The following ERICH1 variants were observed in gnomAD, a reference collection of about 807,000 sequenced individuals.
The protein encoded by ERICH1 is glutamate rich 1.
ERICH1 carries 56 observed loss-of-function variants against 39.6 expected under a neutral mutation model. That is an observed-to-expected ratio of 1.41 (90% CI 1.14 to 1.77). The LOEUF is 1.77. Ranked by LOEUF, ERICH1 falls within the 40% of genes most tolerant of loss-of-function variation. The pLI is 0.00. For missense variants in ERICH1, 826 were observed against 575.4 expected (o/e 1.44, Z -4.45); for synonymous variants, 313 against 223.6 (o/e 1.40, Z -3.57).
chr8:678,858 C>A (rs1164102822), intron 3 of ERICH1, among the ~76,000 whole-genome samples: 1 of 152,128 alleles, frequency 6.6e-6, no homozygotes, highest in Non-Finnish European at 1.5e-5. Flanking sequence ...TTCCAGATAG[C>A]AGAAAAGATA....
intron 1 of ERICH1, among the ~76,000 whole-genome samples, chr8:726,844 G>A (rs1335164310): frequency 6.6e-6 from 1 of 150,652 alleles, no homozygotes; most frequent in Non-Finnish European, 1.5e-5. Context: ...ACACCACACA[G>A]GCACATACGT....
chr8:722,428 T>C (rs1250645311), intron 1 of ERICH1, among the ~76,000 whole-genome samples: 3 of 152,226 alleles, frequency 2.0e-5, no homozygotes, highest in Admixed American at 2.0e-4. Flanking sequence ...CAGAAAGGAC[T>C]GCTGCCTACA....
chr8:702,392 A>C (rs1812359344), intron 2 of ERICH1, among the ~76,000 whole-genome samples: 1 of 152,288 alleles, frequency 6.6e-6, no homozygotes, highest in South Asian at 2.1e-4. Flanking sequence ...CACGCTGGGA[A>C]TCTGTCCCTA....
At chr8:635,470 C>T (rs1241217068) in intron 3 of ERICH1, among the ~76,000 whole-genome samples, 1 of 152,220 alleles carries the variant, frequency 6.6e-6, no homozygotes, top group Non-Finnish European at 1.5e-5. Context: ...CGTTCACCTG[C>T]ACCAACGCCC....
chr8:713,367 C>T (rs1194876166), intron 2 of ERICH1, among the ~76,000 whole-genome samples: 1 of 152,228 alleles, frequency 6.6e-6, no homozygotes, highest in Non-Finnish European at 1.5e-5. Flanking sequence ...TCATTTACTC[C>T]TTAATTGGAA....
At chr8:727,373 T>G (rs1008558426) in intron 1 of ERICH1, among the ~76,000 whole-genome samples, 3 of 152,102 alleles carry the variant, frequency 2.0e-5, no homozygotes, top group African/African-American at 7.2e-5. Flanking sequence ...TCCTGGCGTG[T>G]GAAGTTGGGG....
chr8:709,256 C>T (rs1002600547), intron 2 of ERICH1, among the ~76,000 whole-genome samples: 2 of 152,122 alleles, frequency 1.3e-5, no homozygotes, highest in African/African-American at 4.8e-5. Context: ...CTAAATTGTC[C>T]AAGCAACTGA....
chr8:722,185 C>T (rs1171515719), intron 1 of ERICH1, among the ~76,000 whole-genome samples: 1 of 151,722 alleles, frequency 6.6e-6, no homozygotes, highest in Non-Finnish European at 1.5e-5. Context: ...AAAGCAATCA[C>T]CGGAAAATAA....
At chr8:652,336 C>A (rs1028260851) in intron 3 of ERICH1, among the ~76,000 whole-genome samples, 1 of 152,214 alleles carries the variant, frequency 6.6e-6, no homozygotes, top group African/African-American at 2.4e-5. Flanking sequence ...TTTAGGGAAG[C>A]AGTGGACAGA....
intron 2 of ERICH1, among the ~76,000 whole-genome samples, chr8:701,404 C>T (rs759909976): frequency 7.2e-5 from 11 of 152,268 alleles, no homozygotes; most frequent in South Asian, 2.1e-4. Flanking sequence ...CCCCGCCGGA[C>T]GGGAGCACGC....
downstream of ERICH1, among the ~76,000 whole-genome samples, chr8:661,662 A>C (rs970785991): frequency 6.6e-6 from 1 of 152,264 alleles, no homozygotes; most frequent in Non-Finnish European, 1.5e-5. Context: ...TATCATATCT[A>C]TGCTGACATA....
chr8:621,211 A>G lies in ERICH1; in HGVS notation c.977-5927T>C, dbSNP rs973816390. Among the ~76,000 whole-genome samples, 24 of 152,294 alleles carry G rather than the reference A, an allele frequency of 1.6e-4. 1 individual carries two copies. The highest frequency in any genetic ancestry group is 2.8e-4 in the Non-Finnish European group (19 of 68,020). On this transcript the variant is annotated intron_variant, in intron 3 of 3. Transcript: ENST00000522706. ...AAATTACAAGGGAAATTAGAAAAAA[A>G]CTTGAGAAGGATGAAAATAAAAGCA... is the stretch of plus-strand genomic sequence containing the variant.
chr8:670,796 G>C (rs1239450311), intron 4 of ERICH1, among the ~76,000 whole-genome samples: 1 of 151,704 alleles, frequency 6.6e-6, no homozygotes, highest in South Asian at 2.1e-4. Context: ...CCTGGCCCCA[G>C]GTCCAACATC....
At chr8:656,835 G>C in intron 3 of ERICH1, 1 of 985,368 alleles carries the variant, frequency 1.0e-6, no homozygotes, top group South Asian at 4.7e-5. Flanking sequence ...GAGCCCCCGG[G>C]GAGCCCCCCA....
rs75390417 is a variant in ERICH1 at position 721,544 on chromosome 8, G to A, written c.23-5537C>T. On this transcript the variant is annotated intron_variant, in intron 1 of 5. Coordinates refer to ENST00000262109, the MANE Select transcript of ERICH1 (RefSeq NM_207332.3). The stretch of plus-strand genomic sequence containing the variant: ...GGCCTTTACCACCAGTGCTCACACT[G>A]TTTATTTACACAGAAATAATCAGCT... Among the ~76,000 whole-genome samples the A allele has an allele frequency of 8.3e-4, 126 of 152,334 alleles. 4 individuals carry two copies. In the East Asian group the frequency reaches 0.022, roughly 26 times the overall value.
At chr8:657,818 T>C (rs1326275294) in intron 3 of ERICH1, among the ~76,000 whole-genome samples, 1 of 152,026 alleles carries the variant, frequency 6.6e-6, no homozygotes, top group South Asian at 2.1e-4. Context: ...CAGAGGAAGA[T>C]CCCAGATGCT....
chr8:690,446 AC>A (rs1808645159), intron 3 of ERICH1, among the ~76,000 whole-genome samples: 1 of 152,254 alleles, frequency 6.6e-6, no homozygotes, highest in African/African-American at 2.4e-5. Flanking sequence ...GTAGCCAGGT[AC>A]CCAGGACAAG....
At chr8:619,292 G>A (rs763117615) in intron 3 of ERICH1, among the ~76,000 whole-genome samples, 2 of 152,114 alleles carry the variant, frequency 1.3e-5, no homozygotes, top group East Asian at 1.9e-4. Context: ...GAGACCCACC[G>A]CGCACGAGGG....
intron 2 of ERICH1, among the ~76,000 whole-genome samples, chr8:699,944 C>A (rs1811466336): frequency 7.0e-6 from 1 of 143,314 alleles, no homozygotes; most frequent in South Asian, 2.2e-4. Context: ...CAGACCCGCA[C>A]ACGCGCACAG....
Sources: allele counts gnomAD v4.1 joint callset (sites outside exome capture counted in the v4.1 genomes callset), GRCh38; gene constraint gnomAD v4.1.1; transcripts MANE v1.5; gene names NCBI Gene and HGNC (gene_info 2026-07-23, HGNC 2026-07-21).